SNX13: variants seen among roughly 807,000 people sequenced by gnomAD.
SNX13 encodes the protein sorting nexin-13.
Under a neutral mutation model 133.6 loss-of-function variants are expected in SNX13, and 45 were observed. The ratio of observed to expected loss-of-function variants is 0.34; its 90% CI spans 0.27 to 0.43. SNX13 has a LOEUF of 0.43. SNX13 is among the 20% of genes least tolerant of loss of function. The probability of loss-of-function intolerance (pLI) is 1.00; values close to 1 mark genes in which losing one functional copy is unlikely to be tolerated. For synonymous variants in SNX13, 414 were observed against 373.9 expected (o/e 1.11, Z -1.24); for missense variants, 1,032 against 1,145.1 (o/e 0.90, Z 1.43).
intron 1 of SNX13, among the ~76,000 whole-genome samples, chr7:17,917,283 T>A (rs567905053): frequency 1.3e-5 from 2 of 152,256 alleles, no homozygotes; most frequent in East Asian, 3.9e-4. Context: ...TTGCCACTCC[T>A]ATTTAACATA....
chr7:17,918,674 C>T (rs1323729359), intron 1 of SNX13, among the ~76,000 whole-genome samples: 1 of 152,034 alleles, frequency 6.6e-6, no homozygotes, highest in Non-Finnish European at 1.5e-5. Context: ...TTAGTTCAGC[C>T]CCTGTAGAAA....
At chr7:17,806,883 A>C (rs574911625) in intron 20 of SNX13, among the ~76,000 whole-genome samples, 1 of 152,348 alleles carries the variant, frequency 6.6e-6, no homozygotes, top group South Asian at 2.1e-4. Flanking sequence ...AGCCAAGGGA[A>C]GCCATGAAGG....
chr7:17,882,934 G>C (rs913881687), intron 5 of SNX13: 10 of 768,828 alleles, frequency 1.3e-5, no homozygotes, highest in Non-Finnish European at 1.8e-5. Flanking sequence ...CTGGGCGACA[G>C]GGCGAGACTC....
intron 18 of SNX13, among the ~76,000 whole-genome samples, chr7:17,819,653 G>C (rs961543198): frequency 2.6e-5 from 4 of 152,126 alleles, no homozygotes; most frequent in Non-Finnish European, 5.9e-5. Context: ...ACCAACTGCT[G>C]AATTACAAAT....
At chr7:17,845,854 T>G (rs1459546929) in intron 11 of SNX13, among the ~76,000 whole-genome samples, 160 bp from the exon 12 acceptor site, 1 of 152,190 alleles carries the variant, frequency 6.6e-6, no homozygotes, top group Non-Finnish European at 1.5e-5. Flanking sequence ...ATTGTGTGAA[T>G]TTAAATTCCT....
chr7:17,894,426 T>C (rs1383231876), intron 2 of SNX13, among the ~76,000 whole-genome samples: 1 of 151,998 alleles, frequency 6.6e-6, no homozygotes, highest in Non-Finnish European at 1.5e-5. Flanking sequence ...CCAATTCACG[T>C]GAGGTATTAC....
At chr7:17,862,413 A>G (rs955874403) in intron 9 of SNX13, among the ~76,000 whole-genome samples, 1 of 152,208 alleles carries the variant, frequency 6.6e-6, no homozygotes, top group African/African-American at 2.4e-5. Context: ...ATTTTATTAC[A>G]TAATCCATAC....
At chr7:17,937,542 T>C (rs937019065) in intron 1 of SNX13, among the ~76,000 whole-genome samples, 25 of 151,884 alleles carry the variant, frequency 1.6e-4, no homozygotes, top group African/African-American at 6.0e-4. Context: ...AAAGATATAT[T>C]TTCACAAAAC....
chr7:17,923,814 G>C (rs1800418082), intron 1 of SNX13, among the ~76,000 whole-genome samples: 1 of 152,124 alleles, frequency 6.6e-6, no homozygotes, highest in African/African-American at 2.4e-5. Context: ...TGGGGTCTTA[G>C]TTTCCACTAC....
At chr7:17,825,919 T>G (rs1199938465) in intron 17 of SNX13, 103 bp downstream of exon 17, 1 of 752,150 alleles carries the variant, frequency 1.3e-6, no homozygotes, top group Non-Finnish European at 2.1e-6. Flanking sequence ...AAACTATGAC[T>G]AGAGAACAAA....
intron 3 of SNX13, among the ~76,000 whole-genome samples, chr7:17,892,184 T>G (rs981510842): frequency 6.6e-6 from 1 of 151,904 alleles, no homozygotes; most frequent in African/African-American, 2.4e-5. Context: ...TATATAAACA[T>G]AGATACAGAT....
At chr7:17,892,102 T>C (rs1040533038) in intron 3 of SNX13, among the ~76,000 whole-genome samples, 2 of 152,014 alleles carry the variant, frequency 1.3e-5, no homozygotes, top group African/African-American at 2.4e-5. Flanking sequence ...CTTTTTTGTG[T>C]TCAGAAAGAT....
Position 17,850,113 on chromosome 7 carries a change from A to T in SNX13, c.1065+234T>A, listed in dbSNP as rs1342504602. Among the ~76,000 whole-genome samples, 3 of 152,334 alleles carry T rather than the reference A, an allele frequency of 2.0e-5. No individual in the cohort carries two copies. In the East Asian group the frequency reaches 5.8e-4, roughly 29 times the overall value. ...AAGTAAATGTATAAATAAATCAAGG[A>T]ATAAAATAAAATCTTCAATTACTTT... On this transcript the variant is annotated intron_variant, in intron 11 of 25. Transcript: ENST00000428135.
At chr7:17,919,606 A>G (rs550429099) in intron 1 of SNX13, among the ~76,000 whole-genome samples, 1 of 152,348 alleles carries the variant, frequency 6.6e-6, no homozygotes, top group African/African-American at 2.4e-5. Flanking sequence ...ATGACAGACA[A>G]TTGATCTAAT....
chr7:17,796,815 A>G lies in SNX13; in HGVS notation c.2626+12T>C. On this transcript the variant is annotated intron_variant, in intron 25 of 25. Transcript: ENST00000428135. ...AAATTATAAAGATTTTTAACTATACATGCTCACTCACCTGGCATAATTGCA... is the reference window on the plus strand; with the variant it reads ...AAATTATAAAGATTTTTAACTATACGTGCTCACTCACCTGGCATAATTGCA... 6.4e-7 allele frequency: 1 copy of G among 1,555,616 alleles called. No homozygotes were observed. Among genetic ancestry groups the G allele is most frequent in the Non-Finnish European group, 8.9e-7 (1 of 1,128,626 alleles).
At chr7:17,804,937 G>A (rs1785019597) in intron 20 of SNX13, among the ~76,000 whole-genome samples, 1 of 151,920 alleles carries the variant, frequency 6.6e-6, no homozygotes, top group Admixed American at 6.6e-5. Context: ...AACTAGAAGA[G>A]GTAAAATGCA....
At chr7:17,842,804 G>A (rs1022793365) in intron 12 of SNX13, among the ~76,000 whole-genome samples, 5 of 152,014 alleles carry the variant, frequency 3.3e-5, no homozygotes, top group Admixed American at 3.3e-4. Flanking sequence ...AAGAGGGATG[G>A]TGACAGAGCT....
intron 1 of SNX13, among the ~76,000 whole-genome samples, chr7:17,912,866 G>A (rs1159041112): frequency 3.9e-5 from 6 of 152,290 alleles, no homozygotes; most frequent in African/African-American, 1.4e-4. Flanking sequence ...ATTGAGTGGC[G>A]AGTGTGGAAA....
At position 17,816,187 on chromosome 7, in the gene SNX13, A is replaced by C; in HGVS notation, c.1948T>G (p.Leu650Val). Residue 650 changes from leucine (L) to valine (V), a missense_variant, in exon 19 of 26, where the codon TTG becomes GTG. By Grantham distance (32) the Leu-to-Val change is conservative. Transcript: ENST00000428135. ...EKRKKDLNAY[L>V]QLLLAPEMMK... is the part of the protein sequence containing the mutation. ...TATAGTAAACATGAGCTTACCTGCA[A>C]ATATGCATTTAGATCCTTTTTTCTC... 1 of 1,533,718 alleles carries C rather than the reference A, an allele frequency of 6.5e-7. No homozygotes were observed. Among genetic ancestry groups the C allele is most frequent in the Non-Finnish European group, 8.8e-7 (1 of 1,138,530 alleles).
Sources: gnomAD v4.1 joint callset for allele counts (sites outside exome capture counted in the v4.1 genomes callset) on GRCh38, gnomAD v4.1.1 for gene constraint, MANE v1.5 for transcripts, NCBI Gene and HGNC (gene_info 2026-07-23, HGNC 2026-07-21) for gene names.